The following PIBF1 variants were observed in gnomAD, a reference collection of about 807,000 sequenced individuals.
PIBF1 encodes the protein progesterone immunomodulatory binding factor 1.
PIBF1 carries 90 observed loss-of-function variants against 112.5 expected under a neutral mutation model. The ratio of observed to expected loss-of-function variants is 0.80; its 90% CI spans 0.67 to 0.95. PIBF1 has a LOEUF of 0.95. Among genes scored for constraint, PIBF1 ranks in the 40% least tolerant of loss-of-function variants. PIBF1 has a pLI of 0.00. For missense variants in PIBF1, 915 were observed against 852.3 expected, an observed-to-expected ratio of 1.07 and a Z score of -0.92; for synonymous variants, 301 against 288.6, an observed-to-expected ratio of 1.04 and a Z score of -0.44.
chr13:72,901,545 C>T (rs2040485325), intron 11 of PIBF1, among the ~76,000 whole-genome samples: 1 of 151,970 alleles, frequency 6.6e-6, no homozygotes, highest in Non-Finnish European at 1.5e-5. Flanking sequence ...ATTAGCCAGG[C>T]ATGGTGGCAG....
intron 10 of PIBF1, among the ~76,000 whole-genome samples, chr13:72,871,204 T>C (rs1040648025): frequency 6.6e-6 from 1 of 152,126 alleles, no homozygotes; most frequent in Admixed American, 6.5e-5. Context: ...CCTCCATCCC[T>C]CACAAAGAAA....
At chr13:72,948,374 C>G (rs745537711) in intron 14 of PIBF1, among the ~76,000 whole-genome samples, 1 of 152,126 alleles carries the variant, frequency 6.6e-6, no homozygotes, top group Admixed American at 6.6e-5. Flanking sequence ...CCAAGAAGTT[C>G]CTCATCTCCA....
chr13:72,782,178 T>G lies in PIBF1; in HGVS notation c.-219T>G, dbSNP rs2034285400. 1 of 247,558 alleles carries G rather than the reference T, an allele frequency of 4.0e-6. No homozygotes were observed. The highest frequency in any genetic ancestry group is 7.8e-6 in the Non-Finnish European group (1 of 128,322). The allele number at this position is 247,558 out of a possible 1,614,324, so 15.3% of individuals were successfully genotyped here. A position where few individuals can be genotyped will look rare whatever the true frequency, so the allele number is the denominator to read the frequency against. ...TGTGGGAGTGCTGGTTCTGTCCTCCTTGCGGGTGCGGAGATGGTTGTCTTG... is the reference window on the plus strand; with the variant it reads ...TGTGGGAGTGCTGGTTCTGTCCTCCGTGCGGGTGCGGAGATGGTTGTCTTG... On this transcript the variant is annotated 5_prime_UTR_variant, in exon 1 of 18. Transcript: ENST00000326291.
chr13:72,941,571 A>G (rs1312706916), intron 14 of PIBF1, among the ~76,000 whole-genome samples: 2 of 152,216 alleles, frequency 1.3e-5, no homozygotes, highest in Non-Finnish European at 2.9e-5. Flanking sequence ...GTAAGCACGC[A>G]GAGATTTATC....
chr13:72,982,520 C>T (rs1014169927), intron 16 of PIBF1, among the ~76,000 whole-genome samples: 8 of 152,170 alleles, frequency 5.3e-5, no homozygotes, highest in African/African-American at 1.9e-4. Context: ...ATACCCTTTT[C>T]TACCTCATTC....
intron 16 of PIBF1, among the ~76,000 whole-genome samples, chr13:72,981,447 G>T (rs1015871276): frequency 1.3e-5 from 2 of 151,996 alleles, no homozygotes; most frequent in Admixed American, 1.3e-4. Context: ...AGAGTCATGG[G>T]AATCAGCTTT....
At chr13:73,005,494 A>G (rs1439115835) in intron 17 of PIBF1, among the ~76,000 whole-genome samples, 39 of 151,604 alleles carry the variant, frequency 2.6e-4, no homozygotes, top group Admixed American at 2.6e-3. Flanking sequence ...ATATAAAATG[A>G]TGAAATATAA....
intron 14 of PIBF1, among the ~76,000 whole-genome samples, chr13:72,955,198 T>C (rs1301584198): frequency 6.6e-6 from 1 of 152,226 alleles, no homozygotes; most frequent in African/African-American, 2.4e-5. Flanking sequence ...CATTTCACTT[T>C]CATTGTAGTA....
intron 17 of PIBF1, among the ~76,000 whole-genome samples, chr13:73,013,731 C>CAA (rs113104076): frequency 5.5e-4 from 62 of 113,002 alleles, no homozygotes; most frequent in East Asian, 1.2e-3. Context: ...GAGCCTATCT[C>CAA]AAAAAAAAAA....
intron 10 of PIBF1, among the ~76,000 whole-genome samples, chr13:72,872,244 A>G (rs1444586214): frequency 6.6e-6 from 1 of 152,368 alleles, no homozygotes; most frequent in East Asian, 1.9e-4. Flanking sequence ...GTAACTGACA[A>G]TAATTGAAAG....
At position 72,834,830 on chromosome 13, in the gene PIBF1, G is replaced by A. The variant is rs118018112; in HGVS notation, c.1098-413G>A. 1.8e-3 allele frequency among the ~76,000 whole-genome samples: 281 copies of A among 152,172 alleles called. 1 individual carries two copies. Among genetic ancestry groups the A allele is most frequent in the Non-Finnish European group, 2.8e-3 (187 of 67,988 alleles). ...TGGAAGCAAAGGATTCATAGACTCC[G>A]AGTCATTTCATTTTTATATTTTTGT... On this transcript the variant is annotated intron_variant, in intron 8 of 17. Coordinates refer to ENST00000326291, the MANE Select transcript of PIBF1 (RefSeq NM_006346.4).
chr13:72,906,917 A>G (rs567628779), intron 11 of PIBF1, among the ~76,000 whole-genome samples: 1 of 152,246 alleles, frequency 6.6e-6, no homozygotes, highest in East Asian at 1.9e-4. Context: ...TAGTTTCATC[A>G]GCCACCAGAT....
intron 16 of PIBF1, among the ~76,000 whole-genome samples, chr13:72,991,683 A>G (rs1436348468): frequency 6.6e-6 from 1 of 151,344 alleles, no homozygotes; most frequent in Admixed American, 6.6e-5. Context: ...GAGCCTAGGA[A>G]TTCAAGACCA....
At chr13:72,823,878 G>T (rs1021756601) in intron 6 of PIBF1, among the ~76,000 whole-genome samples, 1 of 152,074 alleles carries the variant, frequency 6.6e-6, no homozygotes, top group Non-Finnish European at 1.5e-5. Flanking sequence ...TCTTAGTGGG[G>T]AATGCTATTT....
intron 14 of PIBF1, among the ~76,000 whole-genome samples, chr13:72,940,370 G>A (rs2041979490): frequency 6.6e-6 from 1 of 151,808 alleles, no homozygotes. Context: ...TCTTCTTTGT[G>A]TCTTTTAGGT....
At chr13:72,838,583 T>C (rs1019262672) in intron 9 of PIBF1, among the ~76,000 whole-genome samples, 1 of 152,150 alleles carries the variant, frequency 6.6e-6, no homozygotes, top group Non-Finnish European at 1.5e-5. Flanking sequence ...AGAAGTGAGA[T>C]ACAGAAACAG....
chr13:72,995,031 G>T (rs1216233944), intron 16 of PIBF1, among the ~76,000 whole-genome samples: 2 of 152,140 alleles, frequency 1.3e-5, no homozygotes, highest in African/African-American at 2.4e-5. Flanking sequence ...GACAGGTGCG[G>T]TGGCTCACAC....
At chr13:72,932,635 A>G (rs917786067) in intron 14 of PIBF1, among the ~76,000 whole-genome samples, 1 of 152,172 alleles carries the variant, frequency 6.6e-6, no homozygotes, top group Non-Finnish European at 1.5e-5. Flanking sequence ...CTGAAGATGG[A>G]GTAAAGATTG....
At position 72,878,173 on chromosome 13, in the gene PIBF1, T is replaced by G. The variant is rs2039487168; in HGVS notation, c.1323-15611T>G. 2.6e-5 allele frequency among the ~76,000 whole-genome samples: 4 copies of G among 152,276 alleles called. No homozygotes were observed. In the South Asian group the frequency reaches 8.3e-4, roughly 32 times the overall value. Reference sequence around the variant, plus strand: ...TTTCATTGGTTTTTATCTTGATTTTTGTGGTAATTATTTTCTTAGTGCTTA... The same window carrying G: ...TTTCATTGGTTTTTATCTTGATTTTGGTGGTAATTATTTTCTTAGTGCTTA... On this transcript the variant is annotated intron_variant, in intron 10 of 17. Transcript: ENST00000326291.
Sources: allele counts gnomAD v4.1 joint callset (sites outside exome capture counted in the v4.1 genomes callset), GRCh38; gene constraint gnomAD v4.1.1; transcripts MANE v1.5; gene names NCBI Gene and HGNC (gene_info 2026-07-23, HGNC 2026-07-21).